The following EXOC4 variants were observed in gnomAD, a reference collection of about 807,000 sequenced individuals.
EXOC4 encodes the protein exocyst complex component 4.
A neutral mutation model predicts 107.2 loss-of-function variants in EXOC4; 71 were observed. The ratio of observed to expected loss-of-function variants is 0.66; its 90% CI spans 0.55 to 0.81. The LOEUF is 0.81. Ranked by LOEUF, EXOC4 falls within the 30% of genes least tolerant of loss-of-function variation. The probability of loss-of-function intolerance (pLI) is 0.00; values close to 1 mark genes in which losing one functional copy is unlikely to be tolerated. For synonymous variants in EXOC4, 456 were observed against 441.2 expected, an observed-to-expected ratio of 1.03 and a Z score of -0.42; for missense variants, 1,108 against 1,189.6, an observed-to-expected ratio of 0.93 and a Z score of 1.01.
intron 11 of EXOC4, among the ~76,000 whole-genome samples, chr7:133,892,900 C>A (rs1799227311): frequency 7.5e-6 from 1 of 134,056 alleles, no homozygotes. Flanking sequence ...AATGTATATT[C>A]TGTTGATTTG....
intron 7 of EXOC4, among the ~76,000 whole-genome samples, chr7:133,470,588 G>A (rs1365641246): frequency 6.6e-6 from 1 of 152,110 alleles, no homozygotes; most frequent in Non-Finnish European, 1.5e-5. Context: ...CTGTTTTGTT[G>A]TTGTTGTTGT....
At chr7:133,507,765 G>A (rs552278633) in intron 9 of EXOC4, among the ~76,000 whole-genome samples, 10 of 152,110 alleles carry the variant, frequency 6.6e-5, no homozygotes, top group Non-Finnish European at 1.2e-4. Flanking sequence ...AAACTGCAGC[G>A]TTATAATTCC....
intron 14 of EXOC4, among the ~76,000 whole-genome samples, chr7:133,974,943 T>G (rs1793792320): frequency 6.6e-6 from 1 of 152,192 alleles, no homozygotes; most frequent in Non-Finnish European, 1.5e-5. Flanking sequence ...TGTATAATGC[T>G]TTCACCCCAA....
At chr7:133,745,153 C>T (rs1409829538) in intron 10 of EXOC4, among the ~76,000 whole-genome samples, 1 of 151,878 alleles carries the variant, frequency 6.6e-6, no homozygotes, top group African/African-American at 2.4e-5. Context: ...ATTTTTGTTG[C>T]TTCCATTGTC....
At chr7:133,804,755 C>G (rs1797033109) in intron 10 of EXOC4, among the ~76,000 whole-genome samples, 2 of 152,126 alleles carry the variant, frequency 1.3e-5, no homozygotes, top group Non-Finnish European at 2.9e-5. Flanking sequence ...GAGAAAAGGA[C>G]TAGGTTTTGA....
intron 10 of EXOC4, among the ~76,000 whole-genome samples, chr7:133,802,127 G>A (rs1184309267): frequency 6.6e-6 from 1 of 152,130 alleles, no homozygotes; most frequent in African/African-American, 2.4e-5. Context: ...TTAGGATGTG[G>A]TATAGAAGAA....
chr7:133,663,239 TC>T (rs1430435937), intron 10 of EXOC4, among the ~76,000 whole-genome samples: 1 of 152,116 alleles, frequency 6.6e-6, no homozygotes, highest in African/African-American at 2.4e-5. Flanking sequence ...TTCTCCTGCC[TC>T]ATTGTCTCCT....
At chr7:133,793,906 A>G (rs930822231) in intron 10 of EXOC4, among the ~76,000 whole-genome samples, 7 of 152,178 alleles carry the variant, frequency 4.6e-5, no homozygotes, top group African/African-American at 1.7e-4. Flanking sequence ...GTTTATCTTG[A>G]CTGTATTTAT....
Position 133,465,697 on chromosome 7 carries a change from G to C in EXOC4, c.1183-9631G>C, listed in dbSNP as rs114845443. ...TGAAATCACATAAAGTATATCCTCT[G>C]ACCGCAACAGAATTAAACAAAAAAA... On this transcript the variant is annotated intron_variant, in intron 7 of 17. Coordinates refer to ENST00000253861, the MANE Select transcript of EXOC4 (RefSeq NM_021807.4). 2.4e-3 allele frequency among the ~76,000 whole-genome samples: 365 copies of C among 152,154 alleles called. 5 individuals are homozygous for C. Among genetic ancestry groups the C allele is most frequent in the African/African-American group, 8.2e-3 (342 of 41,502 alleles).
intron 7 of EXOC4, among the ~76,000 whole-genome samples, chr7:133,426,517 T>G (rs1797730215): frequency 6.6e-6 from 1 of 152,240 alleles, no homozygotes; most frequent in Non-Finnish European, 1.5e-5. Flanking sequence ...ATGGCAAATT[T>G]ATTTACATGG....
At chr7:134,096,345 A>G in the EXOC4 span, among the ~76,000 whole-genome samples, 35 of 152,334 alleles carry the variant, frequency 2.3e-4, no homozygotes, top group Admixed American at 7.8e-4. Context: ...ATAGAGGGCC[A>G]TTTATCACAA....
chr7:133,293,889 G>A (rs1265370124), intron 3 of EXOC4, among the ~76,000 whole-genome samples: 3 of 152,308 alleles, frequency 2.0e-5, no homozygotes, highest in African/African-American at 7.2e-5. Context: ...TTTGTGATAT[G>A]TACGGTTTAA....
intron 9 of EXOC4, among the ~76,000 whole-genome samples, chr7:133,488,974 T>G (rs1799321063): frequency 6.8e-6 from 1 of 148,120 alleles, no homozygotes; most frequent in Non-Finnish European, 1.5e-5. Flanking sequence ...TCTAATATCT[T>G]ACACATGTAA....
rs764645395 is a variant in EXOC4, at chr7:133,817,538, C to T, written c.1728C>T (p.Leu576=). The change falls in exon 11 of 18, where the codon CTC becomes CTT. Residue 576 remains leucine (L), a synonymous_variant. Transcript: ENST00000253861. ...TMKVLGVQRP[L]LQSTIIVEKT... ...AGGTGCTGGGAGTGCAGCGGCCTCT[C>T]CTACAGGTAATAATACACTTTGAAC... 1.6e-5 allele frequency: 25 copies of T among 1,611,182 alleles called. No individual in the cohort carries two copies. The highest frequency in any genetic ancestry group is 2.2e-5 in the East Asian group (1 of 44,874).
chr7:133,621,927 G>C (rs1278503676), intron 9 of EXOC4, among the ~76,000 whole-genome samples: 1 of 150,368 alleles, frequency 6.7e-6, no homozygotes, highest in East Asian at 2.0e-4. Flanking sequence ...ACAGAAGCAA[G>C]AAAGGTCTGT....
intron 17 of EXOC4, 60 bp downstream of exon 17, chr7:134,007,895 A>C: frequency 6.8e-7 from 1 of 1,468,522 alleles, no homozygotes; most frequent in Non-Finnish European, 9.2e-7. Flanking sequence ...TTGCCTGTGA[A>C]GTCATTTTTA....
intron 1 of EXOC4, among the ~76,000 whole-genome samples, chr7:133,268,189 G>A (rs1793780349): frequency 6.6e-6 from 1 of 152,100 alleles, no homozygotes; most frequent in Non-Finnish European, 1.5e-5. Context: ...GAAAAGTTAA[G>A]TCACTTACCA....
At chr7:133,772,838 G>A (rs554646429) in intron 10 of EXOC4, among the ~76,000 whole-genome samples, 36 of 152,084 alleles carry the variant, frequency 2.4e-4, no homozygotes, top group Middle Eastern at 3.4e-3. Flanking sequence ...TGAGTTCTAC[G>A]CTGTTACTCT....
chr7:133,566,303 G>A lies in EXOC4; in HGVS notation c.1418-63742G>A, dbSNP rs189059288. On this transcript the variant is annotated intron_variant, in intron 9 of 17. Transcript: ENST00000253861. The stretch of plus-strand genomic sequence containing the variant: ...AGCCAGTAATTAGAGTCATACAGGA[G>A]GCAGTGTAGAGAGTGATTATTTCAT... Among the ~76,000 whole-genome samples the A allele has an allele frequency of 2.4e-4, 37 of 152,234 alleles. No individual in the cohort carries two copies. The East Asian group carries it at 6.4e-3, about 26-fold the overall frequency.
Sources: allele counts gnomAD v4.1 joint callset (sites outside exome capture counted in the v4.1 genomes callset), GRCh38; gene constraint gnomAD v4.1.1; transcripts MANE v1.5; gene names NCBI Gene and HGNC (gene_info 2026-07-23, HGNC 2026-07-21).